Variants in TUT4 observed in about 807,000 individuals in gnomAD.
TUT4 encodes the protein terminal uridylyltransferase 4.
In TUT4, 36 loss-of-function variants were observed where a neutral mutation model predicts 192.2. That is an observed-to-expected ratio of 0.19 (90% CI 0.14 to 0.25). TUT4 has a LOEUF of 0.25. Ranked by LOEUF, TUT4 falls within the 10% of genes least tolerant of loss-of-function variation. TUT4 has a pLI of 1.00. For missense variants in TUT4, 1,493 were observed against 1,957.2 expected, an observed-to-expected ratio of 0.76 and a Z score of 4.47; for synonymous variants, 618 against 666.0, an observed-to-expected ratio of 0.93 and a Z score of 1.11.
intron 25 of TUT4, 93 bp from the exon 26 acceptor site, chr1:52,437,071 T>G: frequency 6.7e-7 from 1 of 1,481,964 alleles, no homozygotes; most frequent in East Asian, 2.3e-5. Context: ...AGGACTAACA[T>G]GCCCATCATT....
At chr1:52,461,350 G>A (rs1485289852) in intron 18 of TUT4, 127 bp from the exon 19 acceptor site, 3 of 1,106,162 alleles carry the variant, frequency 2.7e-6, no homozygotes, top group South Asian at 1.7e-5. Context: ...ACCTATTAAT[G>A]AGTCAAACAA....
chr1:52,441,444 A>ATCTTTTTTTTTTTTT (rs1553160600), intron 24 of TUT4, among the ~76,000 whole-genome samples: 1 of 119,970 alleles, frequency 8.3e-6, no homozygotes, highest in African/African-American at 3.7e-5. Flanking sequence ...TCTCGGCTAA[A>ATCTTTTTTTTTTTTT]TTTTTTTTTT....
At chr1:52,532,425 C>G (rs1012623281) in intron 1 of TUT4, among the ~76,000 whole-genome samples, 11 of 151,860 alleles carry the variant, frequency 7.2e-5, no homozygotes, top group Non-Finnish European at 2.9e-5. Context: ...CCCCTGGGCT[C>G]AAGCGAGCCT....
Position 52,496,999 on chromosome 1 carries a change from T to G in TUT4, c.1177+7A>C. On this transcript the variant is annotated splice_region_variant and intron_variant, in intron 5 of 29. Coordinates refer to ENST00000257177, the MANE Select transcript of TUT4 (RefSeq NM_001009881.3). ...TTTTCAAAATCAAATATGAAATGTA[T>G]TTCTACCTGGTAAAAATGTCGTTAT... The G allele has an allele frequency of 6.2e-7, 1 of 1,611,730 alleles. No individual in the cohort carries two copies. Among genetic ancestry groups the G allele is most frequent in the Non-Finnish European group, 8.5e-7 (1 of 1,179,312 alleles).
Position 52,477,762 on chromosome 1 carries a change from C to A in TUT4, c.1969G>T (p.Asp657Tyr), listed in dbSNP as rs1284268239. 1.2e-6 allele frequency: 2 copies of A among 1,612,962 alleles called. No homozygotes were observed. The highest frequency in any genetic ancestry group is 1.7e-6 in the Non-Finnish European group (2 of 1,179,638). Residue 657 changes from aspartate (D) to tyrosine (Y), a missense_variant, in exon 12 of 30, where the codon GAT becomes TAT. By Grantham distance (160) the Asp-to-Tyr change is radical. Coordinates refer to ENST00000257177, the MANE Select transcript of TUT4 (RefSeq NM_001009881.3). Reference sequence around the variant, plus strand: ...TTTTTATTTTCTCTTGTTAAAATATCTTGTATCCGTACACATATGACATAT... The same window carrying A: ...TTTTTATTTTCTCTTGTTAAAATATATTGTATCCGTACACATATGACATAT... Reference protein sequence around the residue: ...EEYVICVRIQDILTRENKNWP... With the variant: ...EEYVICVRIQYILTRENKNWP...
chr1:52,513,049 G>A (rs141706887), intron 3 of TUT4, among the ~76,000 whole-genome samples: 3,299 of 151,604 alleles, frequency 0.022, 107 homozygotes, highest in African/African-American at 0.074. Flanking sequence ...CTTGAAACTG[G>A]GAGGCAGAGG....
chr1:52,432,465 A>AG (rs1652409348), intron 27 of TUT4: 1 of 152,270 alleles, frequency 6.6e-6, no homozygotes, highest in Admixed American at 6.5e-5. Flanking sequence ...AGAGCTAAAT[A>AG]GGGGCAAGAC....
rs191737882 is a variant in TUT4 at position 52,527,050 on chromosome 1, T to G, written c.-93-677A>C. Among the ~76,000 whole-genome samples the G allele has an allele frequency of 3.9e-5, 6 of 152,026 alleles. No homozygotes were observed. In the East Asian group the frequency reaches 9.7e-4, roughly 25 times the overall value. ...TCTCAAAGATGGAGAATCCCAATCT[T>G]TATGTGCTATAAATGAATCCGTTTA... On this transcript the variant is annotated intron_variant, in intron 1 of 29. Coordinates refer to ENST00000257177, the MANE Select transcript of TUT4 (RefSeq NM_001009881.3).
chr1:52,464,167 A>G (rs1219894106), intron 16 of TUT4, among the ~76,000 whole-genome samples: 1 of 152,196 alleles, frequency 6.6e-6, no homozygotes, highest in African/African-American at 2.4e-5. Flanking sequence ...AATGTATGTA[A>G]AAGTGTATAC....
intron 2 of TUT4, among the ~76,000 whole-genome samples, chr1:52,519,688 T>C (rs1679704462): frequency 6.6e-6 from 1 of 152,024 alleles, no homozygotes; most frequent in Non-Finnish European, 1.5e-5. Flanking sequence ...TTTGTATTTT[T>C]AGTAGAGACG....
chr1:52,452,860 G>C (rs909690832), intron 20 of TUT4, among the ~76,000 whole-genome samples: 22 of 152,196 alleles, frequency 1.4e-4, no homozygotes, highest in African/African-American at 2.4e-5. Context: ...TCAGTCAGAA[G>C]TTCTGGAGGG....
At chr1:52,446,701 C>A (rs1428384691) in intron 20 of TUT4, 34 bp from the exon 21 acceptor site, 1 of 1,525,896 alleles carries the variant, frequency 6.6e-7, no homozygotes, top group Non-Finnish European at 9.0e-7. Context: ...TATTAGATTT[C>A]AAGTGATCCA....
intron 20 of TUT4, among the ~76,000 whole-genome samples, chr1:52,447,174 G>T (rs1270332190): frequency 6.6e-6 from 1 of 152,102 alleles, no homozygotes. Flanking sequence ...TTAGGGCCAG[G>T]CACGGTGGTT....
chr1:52,533,910 G>A (rs1314335082), intron 1 of TUT4, among the ~76,000 whole-genome samples: 1 of 152,194 alleles, frequency 6.6e-6, no homozygotes, highest in Admixed American at 6.5e-5. Context: ...AGATTGCAGT[G>A]AGCTGAGATT....
rs1453492131 is a variant in TUT4 at position 52,475,288 on chromosome 1, A to G, written c.2271T>C (p.Asn757=). 6.2e-7 allele frequency: 1 copy of G among 1,614,030 alleles called. No homozygotes were observed. Residue 757 remains asparagine, a synonymous_variant, in exon 13 of 30, where the codon AAT becomes AAC. Transcript: ENST00000257177. ...ATTGAACAGGTTGCTCTCTTTCTGC[A>G]TTTATTTTTTCTGTGGTTTCCCCAA... The part of the protein sequence containing the change: ...ILLGETTEKI[N]AEREQPVQCD...
chr1:52,503,620 C>T (rs779694253), intron 4 of TUT4, among the ~76,000 whole-genome samples: 7 of 152,132 alleles, frequency 4.6e-5, no homozygotes, highest in Non-Finnish European at 7.4e-5. Flanking sequence ...GATTTTGCTA[C>T]GTGGCCCAGT....
intron 2 of TUT4, among the ~76,000 whole-genome samples, chr1:52,524,164 T>C (rs1681065353): frequency 1.3e-5 from 2 of 152,238 alleles, no homozygotes; most frequent in Admixed American, 6.5e-5. Flanking sequence ...CTTCCAGTCC[T>C]GTTCCTATCA....
intron 15 of TUT4, among the ~76,000 whole-genome samples, chr1:52,465,660 T>C (rs1216265725): frequency 2.0e-5 from 3 of 152,260 alleles, no homozygotes; most frequent in East Asian, 1.9e-4. Context: ...ATTTGAGGAC[T>C]GCCCTCTTAA....
chr1:52,451,035 G>A (rs1240209292), intron 20 of TUT4, among the ~76,000 whole-genome samples: 1 of 152,194 alleles, frequency 6.6e-6, no homozygotes, highest in East Asian at 1.9e-4. Flanking sequence ...GGAGGCCCAG[G>A]TGGGCGGGTC....
Sources: gnomAD v4.1 joint callset for allele counts (sites outside exome capture counted in the v4.1 genomes callset) on GRCh38, gnomAD v4.1.1 for gene constraint, MANE v1.5 for transcripts, NCBI Gene and HGNC (gene_info 2026-07-23, HGNC 2026-07-21) for gene names.